Variants in GAS7 observed in about 807,000 individuals in gnomAD.
GAS7 encodes growth arrest specific 7, also known as growth arrest-specific protein 7.
Under a neutral mutation model 71.1 loss-of-function variants are expected in GAS7, and 28 were observed. That is an observed-to-expected ratio of 0.39 (90% CI 0.29 to 0.54). The LOEUF (loss-of-function observed/expected upper bound fraction) is 0.54. Ranked by LOEUF, GAS7 falls within the 20% of genes least tolerant of loss-of-function variation. GAS7 has a pLI of 0.62. For synonymous variants in GAS7, 258 were observed against 245.8 expected, an observed-to-expected ratio of 1.05 and a Z score of -0.46; for missense variants, 436 against 627.8, an observed-to-expected ratio of 0.69 and a Z score of 3.27.
intron 1 of GAS7, among the ~76,000 whole-genome samples, chr17:10,053,727 T>C (rs1791104732): frequency 6.6e-6 from 1 of 152,198 alleles, no homozygotes; most frequent in Middle Eastern, 3.2e-3. Context: ...TCTCCGCAGG[T>C]ACCGACTCTG....
intron 1 of GAS7, among the ~76,000 whole-genome samples, chr17:10,061,599 T>G (rs1190952776): frequency 6.6e-6 from 1 of 152,236 alleles, no homozygotes; most frequent in Non-Finnish European, 1.5e-5. Flanking sequence ...TGAAGATAGT[T>G]CAGCTTCTTT....
chr17:10,009,611 G>A (rs891931554), intron 2 of GAS7, among the ~76,000 whole-genome samples: 1 of 149,948 alleles, frequency 6.7e-6, no homozygotes, highest in Non-Finnish European at 1.5e-5. Context: ...GGCCAAGATA[G>A]GAGGATTGCT....
At position 9,978,327 on chromosome 17, in the gene GAS7, C is replaced by T. The variant is rs74687538; in HGVS notation, c.385+3477G>A. Among the ~76,000 whole-genome samples the T allele has an allele frequency of 4.5e-3, 673 of 149,694 alleles. 14 individuals carry two copies. Among genetic ancestry groups the T allele is most frequent in the East Asian group, 0.041 (212 of 5,126 alleles). ...ATGAGGCCTGGCAAGGAGAAACATG[C>T]CCAAGGCCCCAGTTTAACATTTGTA... On this transcript the variant is annotated intron_variant, in intron 3 of 13. Transcript: ENST00000432992.
intron 1 of GAS7, among the ~76,000 whole-genome samples, chr17:10,140,147 A>G (rs764230690): frequency 3.3e-5 from 5 of 152,296 alleles, no homozygotes; most frequent in South Asian, 4.1e-4. Flanking sequence ...CATAAGACTA[A>G]TATTCTGTAA....
intron 2 of GAS7, among the ~76,000 whole-genome samples, chr17:9,983,512 C>T (rs939715799): frequency 2.7e-5 from 4 of 148,050 alleles, no homozygotes; most frequent in Non-Finnish European, 5.9e-5. Flanking sequence ...ATAGGCCGGG[C>T]GCGGTGGCTC....
intron 2 of GAS7, among the ~76,000 whole-genome samples, chr17:10,015,989 A>C (rs1286654267): frequency 6.6e-6 from 1 of 152,186 alleles, no homozygotes; most frequent in Non-Finnish European, 1.5e-5. Flanking sequence ...CAGGGCAGAG[A>C]CTTTGTTCTT....
Position 9,911,956 on chromosome 17 carries a change from C to G in GAS7, c.*5272G>C, listed in dbSNP as rs1392297260. On this transcript the variant is annotated 3_prime_UTR_variant, in exon 14 of 14. Transcript: ENST00000432992. This position sits in a 1 kb window ranked among gnomAD's most constrained non-coding sequence, Gnocchi z 4.0. Reference sequence around the variant, plus strand: ...TGGTCCTGTCCCTGCCACCATGTACCACCATCCAGTGGGGTGCAGGTACAG... The same window carrying G: ...TGGTCCTGTCCCTGCCACCATGTACGACCATCCAGTGGGGTGCAGGTACAG... 4.3e-6 allele frequency: 1 copy of G among 232,170 alleles called. No individual in the cohort carries two copies. Among genetic ancestry groups the G allele is most frequent in the Non-Finnish European group, 8.5e-6 (1 of 117,436 alleles). 14.4% of individuals were successfully genotyped at this position (232,170 alleles called of 1,614,324 possible).
intron 1 of GAS7, among the ~76,000 whole-genome samples, chr17:10,181,501 CA>C (rs1051756402): frequency 6.6e-6 from 1 of 151,126 alleles, no homozygotes; most frequent in Non-Finnish European, 1.5e-5. Flanking sequence ...GGTACAGAAG[CA>C]AAAAAAAGCA....
At chr17:10,180,069 GGTGGCT>G (rs1203267535) in intron 1 of GAS7, among the ~76,000 whole-genome samples, 1 of 152,144 alleles carries the variant, frequency 6.6e-6, no homozygotes, top group Non-Finnish European at 1.5e-5. Context: ...GGCTGGGCGT[GGTGGCT>G]CATGGCTGTT....
chr17:9,937,539 T>A (rs955417733), intron 8 of GAS7, among the ~76,000 whole-genome samples: 2 of 152,222 alleles, frequency 1.3e-5, no homozygotes, highest in Non-Finnish European at 2.9e-5. Flanking sequence ...CTCATTTACA[T>A]CTGTGGAAGG....
chr17:9,954,071 G>C (rs1217780755), intron 5 of GAS7, among the ~76,000 whole-genome samples: 1 of 152,176 alleles, frequency 6.6e-6, no homozygotes, highest in Non-Finnish European at 1.5e-5. Flanking sequence ...AATAATAGTA[G>C]GGCCCAGGCA....
intron 1 of GAS7, among the ~76,000 whole-genome samples, chr17:10,151,995 C>T (rs1361631704): frequency 1.3e-5 from 2 of 152,198 alleles, no homozygotes; most frequent in African/African-American, 4.8e-5. Flanking sequence ...GAAATCCAAT[C>T]CACAAGTTTA....
chr17:10,016,957 T>G (rs1265449387), intron 2 of GAS7, among the ~76,000 whole-genome samples: 1 of 117,536 alleles, frequency 8.5e-6, no homozygotes, highest in African/African-American at 3.2e-5. Flanking sequence ...CTCAAATAAA[T>G]AAAAAATATA....
At chr17:10,185,416 G>A (rs891670502) in intron 1 of GAS7, among the ~76,000 whole-genome samples, 4 of 152,116 alleles carry the variant, frequency 2.6e-5, no homozygotes, top group African/African-American at 7.2e-5. Flanking sequence ...TATGGAGTGT[G>A]TACAAGGTGC....
At chr17:10,164,469 G>A (rs1245185777) in intron 1 of GAS7, among the ~76,000 whole-genome samples, 1 of 150,252 alleles carries the variant, frequency 6.7e-6, no homozygotes, top group African/African-American at 2.4e-5. Context: ...ATATGGCCAT[G>A]ACTGGACTTT....
chr17:10,009,470 A>C (rs533898607), intron 2 of GAS7, among the ~76,000 whole-genome samples: 13 of 152,200 alleles, frequency 8.5e-5, no homozygotes, highest in South Asian at 8.3e-4. Flanking sequence ...GGAATCCAAA[A>C]GCTCACATCC....
At chr17:10,038,942 C>T (rs1597736731) in intron 1 of GAS7, among the ~76,000 whole-genome samples, 1 of 152,054 alleles carries the variant, frequency 6.6e-6, no homozygotes, top group Non-Finnish European at 1.5e-5. Context: ...CAGCCAGACA[C>T]AAAGGGACAA....
At chr17:10,110,102 G>A (rs550505280) in intron 1 of GAS7, among the ~76,000 whole-genome samples, 2 of 149,818 alleles carry the variant, frequency 1.3e-5, no homozygotes, top group East Asian at 2.0e-4. Flanking sequence ...GTACTCACAC[G>A]TTTACTGCAG....
At chr17:10,182,725 G>A (rs866492721) in intron 1 of GAS7, among the ~76,000 whole-genome samples, 3 of 152,136 alleles carry the variant, frequency 2.0e-5, no homozygotes, top group South Asian at 4.1e-4. Flanking sequence ...TTGTGGTACC[G>A]CCACCATCTG....
Sources: allele counts gnomAD v4.1 joint callset (sites outside exome capture counted in the v4.1 genomes callset), GRCh38; gene constraint gnomAD v4.1.1; non-coding constraint Gnocchi (gnomAD v3.1); transcripts MANE v1.5; gene names NCBI Gene and HGNC (gene_info 2026-07-23, HGNC 2026-07-21).